Variants in TPO observed in about 807,000 individuals in gnomAD.
The protein encoded by TPO is thyroid peroxidase, also known as thyroid microsomal antigen.
TPO carries 78 observed loss-of-function variants against 96.9 expected under a neutral mutation model. The observed-to-expected ratio is 0.81, with a 90% CI of 0.67 to 0.97. The LOEUF (loss-of-function observed/expected upper bound fraction) is 0.97, where lower values mean the gene tolerates loss of function less well. TPO is among the 50% of genes least tolerant of loss of function. The pLI is 0.00. For synonymous variants in TPO, 547 were observed against 538.0 expected (o/e 1.02, Z -0.23); for missense variants, 1,252 against 1,274.8 (o/e 0.98, Z 0.27).
intron 13 of TPO, among the ~76,000 whole-genome samples, chr2:1,501,079 A>G (rs1672828943): frequency 6.6e-6 from 1 of 152,138 alleles, no homozygotes. Flanking sequence ...GGCTTTTTCC[A>G]TGAGTTATTG....
chr2:1,492,821 G>A (rs532970741), intron 10 of TPO, among the ~76,000 whole-genome samples: 38 of 152,296 alleles, frequency 2.5e-4, no homozygotes, highest in Admixed American at 4.6e-4. Flanking sequence ...CACACAGGGC[G>A]GGTGGATGAG....
intron 1 of TPO, among the ~76,000 whole-genome samples, chr2:1,407,233 G>A (rs1662261308): frequency 1.3e-5 from 2 of 152,160 alleles, no homozygotes; most frequent in South Asian, 4.1e-4. Context: ...ATTCAAGTCA[G>A]CAAAGTATCT....
chr2:1,501,603 G>C (rs1672881926), intron 13 of TPO, among the ~76,000 whole-genome samples: 1 of 152,220 alleles, frequency 6.6e-6, no homozygotes, highest in African/African-American at 2.4e-5. Flanking sequence ...CAAGGCCTTT[G>C]CAGGTGCCGT....
At chr2:1,435,942 G>A (rs1665525664) in intron 4 of TPO, among the ~76,000 whole-genome samples, 1 of 152,164 alleles carries the variant, frequency 6.6e-6, no homozygotes, top group Non-Finnish European at 1.5e-5. Context: ...AGAGTTGATG[G>A]TAACTGCAAA....
At chr2:1,384,299 G>A (rs1160541925) in intron 1 of TPO, among the ~76,000 whole-genome samples, 1 of 152,112 alleles carries the variant, frequency 6.6e-6, no homozygotes, top group Non-Finnish European at 1.5e-5. Flanking sequence ...AATTACCTTG[G>A]GCAGTATGGT....
At chr2:1,484,884 C>T (rs776743430) in intron 9 of TPO, 30 bp downstream of exon 9, 2 of 1,612,396 alleles carry the variant, frequency 1.2e-6, no homozygotes, top group African/African-American at 2.7e-5. Flanking sequence ...GCAGCTGGTC[C>T]CCATGAACTC....
At chr2:1,497,421 T>C (rs1672467712) in intron 13 of TPO, among the ~76,000 whole-genome samples, 1 of 152,108 alleles carries the variant, frequency 6.6e-6, no homozygotes, top group African/African-American at 2.4e-5. Flanking sequence ...AGCCGTGTAC[T>C]GGGGTTCCTC....
chr2:1,482,320 G>A (rs946476684), intron 8 of TPO, among the ~76,000 whole-genome samples: 2 of 152,198 alleles, frequency 1.3e-5, no homozygotes, highest in Non-Finnish European at 2.9e-5. Context: ...CTGGTGAGTT[G>A]TGAAGGCAAA....
At chr2:1,495,858 C>CGGGTGCTG in intron 11 of TPO, 131 bp from the exon 12 acceptor site, 1 of 1,038,692 alleles carries the variant, frequency 9.6e-7, no homozygotes. Context: ...TGTGTGGCCC[C>CGGGTGCTG]GGGTGCTGGG....
At chr2:1,386,653 G>C (rs940682827) in intron 1 of TPO, among the ~76,000 whole-genome samples, 8 of 152,136 alleles carry the variant, frequency 5.3e-5, no homozygotes, top group Admixed American at 1.3e-4. Context: ...GATGGGTCTT[G>C]ACTCTTTATC....
At chr2:1,492,700 A>G (rs1245193915) in intron 10 of TPO, among the ~76,000 whole-genome samples, 1 of 152,042 alleles carries the variant, frequency 6.6e-6, no homozygotes, top group Non-Finnish European at 1.5e-5. Flanking sequence ...CCTGGGGGGA[A>G]CCAGCCCAGT....
intron 11 of TPO, among the ~76,000 whole-genome samples, chr2:1,495,296 G>A (rs1391273494): frequency 3.3e-5 from 5 of 152,240 alleles, no homozygotes; most frequent in Non-Finnish European, 5.9e-5. Flanking sequence ...AGTTTTACGT[G>A]GCAGGGGAGA....
chr2:1,509,703 C>A (rs1188250819), intron 14 of TPO, among the ~76,000 whole-genome samples: 3 of 149,468 alleles, frequency 2.0e-5, no homozygotes. Context: ...TCAGGCACAC[C>A]CCCCTTCTTC....
intron 10 of TPO, among the ~76,000 whole-genome samples, chr2:1,492,998 G>C (rs1009246121): frequency 6.6e-6 from 1 of 152,094 alleles, no homozygotes; most frequent in Non-Finnish European, 1.5e-5. Flanking sequence ...GGAGGGGCAC[G>C]AGTGTCAGGC....
In TPO at chr2:1,483,226, A is replaced by G. The variant is rs150459891; in HGVS notation, c.1339-1370A>G. 3.4e-3 allele frequency among the ~76,000 whole-genome samples: 523 copies of G among 152,314 alleles called. 4 individuals carry two copies. The highest frequency in any genetic ancestry group is 0.012 in the African/African-American group (507 of 41,580). ...GCAGGTTTCCTCTCTGTTAACAGCT[A>G]GCCGGGCACAGGTGGAGCTGCTGAA... is the stretch of plus-strand genomic sequence containing the variant. On this transcript the variant is annotated intron_variant, in intron 8 of 16. Coordinates refer to ENST00000329066, the MANE Select transcript of TPO (RefSeq NM_001206744.2).
chr2:1,525,785 G>T (rs113241891), intron 15 of TPO, among the ~76,000 whole-genome samples: 1 of 140,850 alleles, frequency 7.1e-6, no homozygotes, highest in Non-Finnish European at 1.5e-5. Flanking sequence ...TCCCGCCACT[G>T]TGTGCAACCT....
intron 3 of TPO, among the ~76,000 whole-genome samples, chr2:1,428,533 TCA>T (rs1246131737): frequency 1.3e-5 from 2 of 152,142 alleles, no homozygotes; most frequent in African/African-American, 2.4e-5. Flanking sequence ...AGAGCTGAGC[TCA>T]GTTTCCCAGA....
intron 2 of TPO, among the ~76,000 whole-genome samples, chr2:1,422,236 G>C (rs954360954): frequency 1.3e-5 from 1 of 78,058 alleles, no homozygotes; most frequent in African/African-American, 5.6e-5. Context: ...TGGGGAATTT[G>C]TGTGCTCCTT....
At chr2:1,392,777 T>TG (rs1662023473) in intron 1 of TPO, among the ~76,000 whole-genome samples, 1 of 152,224 alleles carries the variant, frequency 6.6e-6, no homozygotes, top group African/African-American at 2.4e-5. Flanking sequence ...TTAGTTTATT[T>TG]GTGTAGAGGT....
Sources: gnomAD v4.1 joint callset for allele counts (sites outside exome capture counted in the v4.1 genomes callset) on GRCh38, gnomAD v4.1.1 for gene constraint, MANE v1.5 for transcripts, NCBI Gene and HGNC (gene_info 2026-07-23, HGNC 2026-07-21) for gene names.